Variants in DDX31 observed in about 807,000 individuals in gnomAD.
DDX31 encodes DEAD-box helicase 31.
In DDX31, 70 loss-of-function variants were observed where a neutral mutation model predicts 91.3. The observed-to-expected ratio is 0.77, with a 90% CI of 0.63 to 0.94. The LOEUF is 0.94. Among genes scored for constraint, DDX31 ranks in the 40% least tolerant of loss-of-function variants. The pLI, the probability that DDX31 is intolerant of heterozygous loss-of-function variation, is 0.00. For synonymous variants in DDX31, 362 were observed against 350.6 expected, an observed-to-expected ratio of 1.03 and a Z score of -0.36; for missense variants, 902 against 925.0, an observed-to-expected ratio of 0.98 and a Z score of 0.32.
intron 19 of DDX31, among the ~76,000 whole-genome samples, chr9:132,600,545 A>C (rs1274508561): frequency 1.3e-5 from 2 of 152,166 alleles, no homozygotes; most frequent in African/African-American, 4.8e-5. Context: ...AACTGAGAAA[A>C]ACCGCGGATG....
chr9:132,604,152 C>T (rs995878414), intron 19 of DDX31, among the ~76,000 whole-genome samples: 13 of 152,148 alleles, frequency 8.5e-5, no homozygotes, highest in Non-Finnish European at 2.9e-5. Flanking sequence ...AGCATGTGCC[C>T]ACACTGTGCA....
intron 13 of DDX31, among the ~76,000 whole-genome samples, chr9:132,644,296 A>G (rs1833680104): frequency 6.6e-6 from 1 of 152,218 alleles, no homozygotes; most frequent in African/African-American, 2.4e-5. Context: ...AAAGACAGAT[A>G]AAAACAATAG....
chr9:132,658,536 T>C (rs1345904121), intron 6 of DDX31, 135 bp downstream of exon 6: 3 of 761,812 alleles, frequency 3.9e-6, no homozygotes, highest in African/African-American at 1.7e-5. Context: ...ATTTATGCAA[T>C]AAATAAATTA....
rs769078351 is a variant in DDX31, at chr9:132,662,597, A to G, written c.174T>C (p.Ser58=). The G allele has an allele frequency of 1.9e-6, 3 of 1,614,172 alleles. 1 individual carries two copies. Among genetic ancestry groups the G allele is most frequent in the South Asian group, 2.2e-5 (2 of 91,078 alleles). The change falls in exon 2 of 20, where the codon AGT becomes AGC. Residue 58 remains serine (S), a synonymous_variant. Coordinates refer to ENST00000372159, the MANE Select transcript of DDX31 (RefSeq NM_022779.9). ...TAAAAGTCCTCTGAGTTTCTTTAAC[A>G]CTAGTTTTCTTGGCTGGGAGAAATG... ...ETSFLPAKKT[S]VKETQRTFKG...
chr9:132,642,102 GAC>G (rs1833540865), intron 13 of DDX31, 39 bp from the exon 14 acceptor site: 4 of 1,591,732 alleles, frequency 2.5e-6, no homozygotes, highest in Admixed American at 1.7e-5. Context: ...ACAACTCAGA[GAC>G]AAACTCCAGC....
At chr9:132,658,815 G>A (rs1834749805) in intron 5 of DDX31, 80 bp from the exon 6 acceptor site, 3 of 1,322,220 alleles carry the variant, frequency 2.3e-6, no homozygotes, top group Middle Eastern at 1.8e-4. Flanking sequence ...AAAGGAAACA[G>A]GCTCTGCTAT....
At chr9:132,612,361 G>A (rs779716041) in intron 18 of DDX31, 106 bp from the exon 19 acceptor site, 14 of 1,275,984 alleles carry the variant, frequency 1.1e-5, no homozygotes, top group Middle Eastern at 5.2e-4. Context: ...GCCAGGCAAC[G>A]AAACATGAGC....
At chr9:132,643,138 G>A (rs1833603680) in intron 13 of DDX31, among the ~76,000 whole-genome samples, 2 of 152,200 alleles carry the variant, frequency 1.3e-5, no homozygotes, top group South Asian at 4.2e-4. Flanking sequence ...TTTTAATATT[G>A]CAATCAATGC....
chr9:132,612,221 G>A lies in DDX31; in HGVS notation c.1860C>T (p.Tyr620=), dbSNP rs752545960. 3.7e-6 allele frequency: 6 copies of A among 1,614,204 alleles called. No homozygotes were observed. The Admixed American group carries it at 8.3e-5, about 22-fold the overall frequency. The part of the protein sequence containing the change: ...LQSFIQAYAT[Y]PRELKHIFHV... ...GGAAGATGTGCTTCAGCTCCCTGGG[G>A]TAGGTGGCGTAGGCTTGGATGAAGG... Residue 620 remains tyrosine (Y), a synonymous_variant, in exon 19 of 20, where the codon TAC becomes TAT. Coordinates refer to ENST00000372159, the MANE Select transcript of DDX31 (RefSeq NM_022779.9).
intron 18 of DDX31, among the ~76,000 whole-genome samples, chr9:132,618,064 G>C (rs306567): frequency 0.073 from 11,072 of 152,240 alleles, 517 homozygotes; most frequent in East Asian, 0.12. Context: ...CCAAGTTGTT[G>C]GGTCAAAACT....
Position 132,618,443 on chromosome 9 carries a change from TGA to T in DDX31, c.1714-4_1714-3del, listed in dbSNP as rs779032278. 2.5e-6 allele frequency: 4 copies of T among 1,608,772 alleles called. No homozygotes were observed. In the South Asian group the frequency reaches 3.3e-5, roughly 13 times the overall value. The stretch of plus-strand genomic sequence containing the variant: ...CTGGGGGCCAACAGCATGGGATTTC[TGA>T]GAGGGCGACGGAAGGATTAAAGGAG... On this transcript the variant is annotated splice_polypyrimidine_tract_variant and splice_region_variant and intron_variant, in intron 17 of 19. Transcript: ENST00000372159.
chr9:132,656,559 G>A (rs1472611962), intron 6 of DDX31, among the ~76,000 whole-genome samples: 4 of 152,104 alleles, frequency 2.6e-5, no homozygotes, highest in Non-Finnish European at 1.5e-5. Flanking sequence ...GGCACTGACC[G>A]CTACCATCCC....
At chr9:132,669,807 G>GC (rs1362767333) in intron 1 of DDX31, 53 bp downstream of exon 1, 9 of 1,525,532 alleles carry the variant, frequency 5.9e-6, no homozygotes, top group East Asian at 4.8e-5. Flanking sequence ...CTCGCGGCGC[G>GC]CCCACAGCCG....
chr9:132,634,814 C>T lies in DDX31; in HGVS notation c.1441-2723G>A, dbSNP rs115651242. On this transcript the variant is annotated intron_variant, in intron 14 of 19. Coordinates refer to ENST00000372159, the MANE Select transcript of DDX31 (RefSeq NM_022779.9). ...TTAAACTCCTGGGCTCAAGCGATCC[C>T]CCCATCCCAGCCTCCCAAAGCGTTG... is the stretch of plus-strand genomic sequence containing the variant. Among the ~76,000 whole-genome samples the T allele has an allele frequency of 4.5e-3, 682 of 152,032 alleles. 2 individuals carry two copies. The highest frequency in any genetic ancestry group is 0.027 in the Middle Eastern group (8 of 294).
chr9:132,609,488 C>T (rs993045703), intron 19 of DDX31, among the ~76,000 whole-genome samples: 11 of 152,230 alleles, frequency 7.2e-5, no homozygotes, highest in African/African-American at 2.2e-4. Context: ...AGATCTGGGC[C>T]GGTCTGAGGA....
chr9:132,628,751 G>A (rs981588450), intron 16 of DDX31, among the ~76,000 whole-genome samples: 2 of 152,220 alleles, frequency 1.3e-5, no homozygotes, highest in African/African-American at 4.8e-5. Context: ...GAAGGAATGG[G>A]AAAATGGAAT....
intron 14 of DDX31, chr9:132,637,831 T>A: frequency 3.0e-6 from 3 of 985,914 alleles, no homozygotes; most frequent in Non-Finnish European, 3.6e-6. Context: ...ACGAAAAAGA[T>A]ACACTTTACC....
intron 19 of DDX31, among the ~76,000 whole-genome samples, chr9:132,596,850 G>A (rs1374135309): frequency 6.6e-6 from 1 of 152,184 alleles, no homozygotes; most frequent in Non-Finnish European, 1.5e-5. Context: ...AGTGAGTAGG[G>A]AGTGGTGAGG....
chr9:132,636,829 G>A (rs1228152119), intron 14 of DDX31, among the ~76,000 whole-genome samples: 2 of 152,342 alleles, frequency 1.3e-5, no homozygotes, highest in East Asian at 1.9e-4. Context: ...AGTCTAGGAA[G>A]AGAGAACTGG....
Sources: gnomAD v4.1 joint callset for allele counts (sites outside exome capture counted in the v4.1 genomes callset) on GRCh38, gnomAD v4.1.1 for gene constraint, MANE v1.5 for transcripts, NCBI Gene and HGNC (gene_info 2026-07-23, HGNC 2026-07-21) for gene names.